FAT3: variants seen among roughly 807,000 people sequenced by gnomAD.
FAT3 encodes FAT atypical cadherin 3.
Under a neutral mutation model 310.2 loss-of-function variants are expected in FAT3, and 95 were observed. The ratio of observed to expected loss-of-function variants is 0.31; its 90% CI spans 0.26 to 0.36. The LOEUF is 0.36. Ranked by LOEUF, FAT3 falls within the 10% of genes least tolerant of loss-of-function variation. The probability of loss-of-function intolerance (pLI) is 1.00; values close to 1 mark genes in which losing one functional copy is unlikely to be tolerated. For missense variants in FAT3, 5,408 were observed against 5,715.6 expected (o/e 0.95, Z 1.74); for synonymous variants, 2,314 against 2,192.9 (o/e 1.06, Z -1.54).
chr11:92,276,018 T>A (rs1005660906), intron 1 of FAT3, among the ~76,000 whole-genome samples: 1 of 144,444 alleles, frequency 6.9e-6, no homozygotes, highest in Non-Finnish European at 1.5e-5. Flanking sequence ...TCTTATTAAA[T>A]CAAGTACTGA....
At position 92,717,849 on chromosome 11, in the gene FAT3, A is replaced by G. The variant is rs138853168; in HGVS notation, c.3669+20404A>G. Among the ~76,000 whole-genome samples, 759 of 152,286 alleles carry G rather than the reference A, an allele frequency of 5.0e-3. 4 individuals carry two copies. Among genetic ancestry groups the G allele is most frequent in the Non-Finnish European group, 8.3e-3 (567 of 68,022 alleles). On this transcript the variant is annotated intron_variant, in intron 4 of 27. Transcript: ENST00000525166. The stretch of plus-strand genomic sequence containing the variant: ...AAGAAGAGAAGACCTTCATCAGAAT[A>G]AAAATCACCAGCCATGATCTTTATT...
At chr11:92,404,033 A>G (rs573990657) in intron 2 of FAT3, among the ~76,000 whole-genome samples, 1 of 152,146 alleles carries the variant, frequency 6.6e-6, no homozygotes, top group Middle Eastern at 3.4e-3. Context: ...AGAGTCCGTC[A>G]AGAAAAAAAA....
At position 92,894,756 on chromosome 11, in the gene FAT3, C is replaced by A. The variant is rs1307787268; in HGVS notation, c.*3643C>A. ...AAATGCCATATAAAAGACTTAGGAA[C>A]ATGAGTAGGTGGTCCATGCTTTGAG... On this transcript the variant is annotated 3_prime_UTR_variant, in exon 28 of 28. Coordinates refer to ENST00000525166, the MANE Select transcript of FAT3 (RefSeq NM_001367949.2). The A allele has an allele frequency of 6.6e-6, 1 of 152,140 alleles. No homozygotes were observed. The highest frequency in any genetic ancestry group is 1.5e-5 in the Non-Finnish European group (1 of 68,034). 9.4% of individuals were successfully genotyped at this position (152,140 alleles called of 1,614,324 possible).
intron 3 of FAT3, among the ~76,000 whole-genome samples, chr11:92,528,996 G>A (rs1555075277): frequency 6.6e-6 from 1 of 152,200 alleles, no homozygotes; most frequent in Admixed American, 6.5e-5. Flanking sequence ...TCTTGCCTTA[G>A]CAATTGCTAG....
At chr11:92,389,631 T>C (rs1190773086) in intron 2 of FAT3, among the ~76,000 whole-genome samples, 2 of 152,336 alleles carry the variant, frequency 1.3e-5, no homozygotes, top group East Asian at 3.9e-4. Context: ...TTTATTGTGT[T>C]GTATGGATGT....
chr11:92,589,879 A>G (rs145318796), intron 3 of FAT3, among the ~76,000 whole-genome samples: 1 of 152,230 alleles, frequency 6.6e-6, no homozygotes, highest in East Asian at 1.9e-4. Context: ...ACCCACAGCA[A>G]GTACACAGAA....
intron 3 of FAT3, among the ~76,000 whole-genome samples, chr11:92,554,999 G>A (rs1954967348): frequency 6.6e-6 from 1 of 152,170 alleles, no homozygotes; most frequent in Admixed American, 6.5e-5. Context: ...AGTATCTTAG[G>A]AAGAAAATAC....
intron 4 of FAT3, among the ~76,000 whole-genome samples, chr11:92,703,407 T>C (rs1378772400): frequency 1.4e-4 from 21 of 152,244 alleles, no homozygotes; most frequent in Non-Finnish European, 2.9e-5. Flanking sequence ...TTTCTCTTCT[T>C]AGGCATCTCT....
chr11:92,614,268 G>A (rs895814746), intron 3 of FAT3, among the ~76,000 whole-genome samples: 1 of 152,052 alleles, frequency 6.6e-6, no homozygotes, highest in Non-Finnish European at 1.5e-5. Context: ...ATATACATAG[G>A]TATGGAATTG....
intron 2 of FAT3, among the ~76,000 whole-genome samples, chr11:92,384,419 A>G (rs921939221): frequency 2.6e-5 from 4 of 152,218 alleles, no homozygotes; most frequent in Admixed American, 6.5e-5. Flanking sequence ...GTTTCTTTTT[A>G]GAAAAAGGGA....
At chr11:92,523,164 T>TTTG (rs57625183) in intron 2 of FAT3, among the ~76,000 whole-genome samples, 6,063 of 152,192 alleles carry the variant, frequency 0.04, 393 homozygotes, top group African/African-American at 0.14. Flanking sequence ...TATAATAGCT[T>TTTG]TTGTTGTTGT....
chr11:92,844,543 A>G lies in FAT3; in HGVS notation c.11176A>G (p.Arg3726Gly), dbSNP rs1260663798. The G allele has an allele frequency of 1.2e-6, 2 of 1,613,902 alleles. No individual in the cohort carries two copies. The highest frequency in any genetic ancestry group is 1.6e-4 in the Middle Eastern group (1 of 6,084). ...CCTGATCCAGAAGCTGTCCAATGCT[A>G]GAAGACACCTGGAGAATATCATGCG... ...AYLIQKLSNA[R>G]RHLENIMRIS... Residue 3726 changes from arginine to glycine, a missense_variant, in exon 19 of 28, where the codon AGA (arginine) becomes GGA (glycine). Coordinates refer to ENST00000525166, the MANE Select transcript of FAT3 (RefSeq NM_001367949.2).
intron 18 of FAT3, among the ~76,000 whole-genome samples, chr11:92,841,855 C>G (rs1948558964): frequency 6.6e-6 from 1 of 152,222 alleles, no homozygotes; most frequent in African/African-American, 2.4e-5. Context: ...CTTCATCATG[C>G]TACTGTGGCA....
chr11:92,387,678 C>G (rs1949657424), intron 2 of FAT3, among the ~76,000 whole-genome samples: 1 of 152,004 alleles, frequency 6.6e-6, no homozygotes, highest in East Asian at 1.9e-4. Context: ...AATGGTGAGA[C>G]CTTTTATCTA....
intron 1 of FAT3, among the ~76,000 whole-genome samples, chr11:92,333,679 C>A (rs991431790): frequency 1.3e-5 from 2 of 152,024 alleles, no homozygotes; most frequent in African/African-American, 4.8e-5. Flanking sequence ...TAATTATGTT[C>A]AAATTATCAT....
Position 92,775,507 on chromosome 11 carries a change from T to C in FAT3, c.4335+1327T>C, listed in dbSNP as rs1255159050. On this transcript the variant is annotated intron_variant, in intron 7 of 27. Transcript: ENST00000525166. The stretch of plus-strand genomic sequence containing the variant: ...GACTTGCATATAATACGGGAGCCAG[T>C]GTGAGACAATTTCTGATCCTCCAAC... Among the ~76,000 whole-genome samples the C allele has an allele frequency of 2.0e-5, 3 of 152,148 alleles. No individual in the cohort carries two copies. The East Asian group carries it at 5.8e-4, about 29-fold the overall frequency.
At chr11:92,793,059 A>G in intron 9 of FAT3, 82 bp downstream of exon 9, 1 of 1,421,778 alleles carries the variant, frequency 7.0e-7, no homozygotes, top group Admixed American at 2.0e-5. Context: ...TGTAAAATTC[A>G]GATCATTAAC....
At chr11:92,698,000 G>C (rs1353484354) in intron 4 of FAT3, among the ~76,000 whole-genome samples, 1 of 152,104 alleles carries the variant, frequency 6.6e-6, no homozygotes, top group African/African-American at 2.4e-5. Flanking sequence ...AAAGCTATGA[G>C]ATGAGAAAAT....
chr11:92,768,906 C>T (rs1166100670), intron 6 of FAT3, among the ~76,000 whole-genome samples: 4 of 152,166 alleles, frequency 2.6e-5, no homozygotes, highest in Non-Finnish European at 5.9e-5. Flanking sequence ...GAGAAGACAT[C>T]ATCTTGGCAT....
Sources: gnomAD v4.1 joint callset for allele counts (sites outside exome capture counted in the v4.1 genomes callset) on GRCh38, gnomAD v4.1.1 for gene constraint, MANE v1.5 for transcripts, NCBI Gene and HGNC (gene_info 2026-07-23, HGNC 2026-07-21) for gene names.